OTOA: variants seen among roughly 807,000 people sequenced by gnomAD.
OTOA encodes the protein otoancorin.
OTOA carries 70 observed loss-of-function variants against 110.8 expected under a neutral mutation model. That is an observed-to-expected ratio of 0.63 (90% confidence interval 0.52 to 0.77). The LOEUF (loss-of-function observed/expected upper bound fraction) is 0.77. Ranked by LOEUF, OTOA falls within the 30% of genes least tolerant of loss-of-function variation. OTOA has a pLI of 0.00. For synonymous variants in OTOA, 373 were observed against 431.5 expected (o/e 0.86, Z 1.68); for missense variants, 917 against 1,075.8 (o/e 0.85, Z 2.06).
chr16:21,680,914 G>C (rs958555605), intron 5 of OTOA, among the ~76,000 whole-genome samples: 7 of 151,696 alleles, frequency 4.6e-5, no homozygotes, highest in Middle Eastern at 3.5e-3. Context: ...GTTGGGCACA[G>C]TCTTACGCAA....
intron 8 of OTOA, among the ~76,000 whole-genome samples, chr16:21,688,858 C>G (rs1897773954): frequency 6.6e-6 from 1 of 152,090 alleles, no homozygotes; most frequent in Admixed American, 6.6e-5. Flanking sequence ...ACATTCAGTC[C>G]ACAGCACAAA....
In OTOA at chr16:21,719,644, G is replaced by A. The variant is rs975000917; in HGVS notation, c.1806+140G>A. 9 of 847,202 alleles carry A rather than the reference G, an allele frequency of 1.1e-5. No homozygotes were observed. The African/African-American group carries it at 1.2e-4, about 11-fold the overall frequency. The allele number at this position is 847,202 out of a possible 1,614,324, so 52.5% of individuals were successfully genotyped here. ...TGACTTAGGGCCAAAGATTGAGCCA[G>A]GTTTTTTCCAGTTTCTTTTTAAACA... On this transcript the variant is annotated intron_variant, in intron 17 of 28. Coordinates refer to ENST00000646100, the MANE Select transcript of OTOA (RefSeq NM_144672.4).
In OTOA at chr16:21,704,029, C is replaced by A. The variant is rs578221820; in HGVS notation, c.981-1140C>A. Among the ~76,000 whole-genome samples the A allele has an allele frequency of 6.6e-5, 10 of 152,216 alleles. No individual in the cohort carries two copies. In the East Asian group the frequency reaches 1.2e-3, roughly 18 times the overall value. On this transcript the variant is annotated intron_variant, in intron 11 of 28. Transcript: ENST00000646100. ...TGCACTGCAGAACTGTGTATAGCGG[C>A]CTCACAGAGAAGTTAAGTAACTTGG...
chr16:21,701,928 C>T (rs954329256), intron 11 of OTOA, among the ~76,000 whole-genome samples: 6 of 150,144 alleles, frequency 4.0e-5, no homozygotes, highest in African/African-American at 7.4e-5. Context: ...TGAGCCACCA[C>T]GCCTGGCCCA....
chr16:21,687,608 C>T lies in OTOA; in HGVS notation c.595C>T (p.Arg199Trp), dbSNP rs148114778. The T allele has an allele frequency of 2.7e-5, 43 of 1,612,816 alleles. 1 individual carries two copies. The highest frequency in any genetic ancestry group is 1.2e-4 in the Admixed American group (7 of 59,904). The change falls in exon 8 of 29, where the codon CGG (arginine) becomes TGG (tryptophan). Residue 199 changes from arginine (R) to tryptophan (W), a missense_variant. Physicochemically the swap from Arg to Trp is moderately radical, Grantham distance 101. Coordinates refer to ENST00000646100, the MANE Select transcript of OTOA (RefSeq NM_144672.4). ...GSFLQPDITE[R>W]LPRDLREDAF... ...CTTTCTCCAGCCAGACATCACAGAG[C>T]GGCTCCCTCGGGACCTGCGCGAGGA...
chr16:21,700,228 A>G (rs946642677), intron 10 of OTOA, among the ~76,000 whole-genome samples: 1 of 152,198 alleles, frequency 6.6e-6, no homozygotes, highest in Non-Finnish European at 1.5e-5. Flanking sequence ...AAACTCATTC[A>G]TCTATTAAAA....
rs530930445 is a variant in OTOA, at chr16:21,726,353, A to T, written c.1881-170A>T. 7.9e-4 allele frequency among the ~76,000 whole-genome samples: 121 copies of T among 152,272 alleles called. 1 individual carries two copies. Among genetic ancestry groups the T allele is most frequent in the Non-Finnish European group, 1.5e-3 (99 of 68,010 alleles). ...TTGTTCCCACCCATAGAAGAGGAGCATGATGGGTGGGAAGCTTGCTACCTG... is the reference window on the plus strand; with the variant it reads ...TTGTTCCCACCCATAGAAGAGGAGCTTGATGGGTGGGAAGCTTGCTACCTG... On this transcript the variant is annotated intron_variant, in intron 18 of 28. Transcript: ENST00000646100.
intron 1 of OTOA, among the ~76,000 whole-genome samples, chr16:21,673,540 A>G (rs1966852096): frequency 6.6e-6 from 1 of 152,144 alleles, no homozygotes; most frequent in African/African-American, 2.4e-5. Flanking sequence ...ATGCTTTATA[A>G]TTGGAATCAT....
chr16:21,679,013 GAT>G (rs1273398532), intron 3 of OTOA, 21 bp from the exon 4 acceptor site: 1 of 1,613,912 alleles, frequency 6.2e-7, no homozygotes, highest in South Asian at 1.1e-5. Context: ...TGTTATACTT[GAT>G]GTTATCTCTT....
chr16:21,696,892 T>G (rs1028065660), intron 9 of OTOA, among the ~76,000 whole-genome samples: 2 of 151,772 alleles, frequency 1.3e-5, no homozygotes, highest in African/African-American at 4.8e-5. Flanking sequence ...ATTTATTTAT[T>G]TTTAATTATT....
chr16:21,686,015 G>A (rs1324292528), intron 7 of OTOA, among the ~76,000 whole-genome samples: 1 of 151,978 alleles, frequency 6.6e-6, no homozygotes, highest in African/African-American at 2.4e-5. Context: ...CTGGAGGGGA[G>A]ACAAAAAACA....
At chr16:21,724,318 A>T (rs542527635) in intron 18 of OTOA, among the ~76,000 whole-genome samples, 5 of 152,230 alleles carry the variant, frequency 3.3e-5, no homozygotes, top group East Asian at 3.9e-4. Flanking sequence ...GACCGAACTA[A>T]TGCTGGATAG....
At chr16:21,691,197 T>C (rs571163587) in intron 8 of OTOA, among the ~76,000 whole-genome samples, 1 of 152,296 alleles carries the variant, frequency 6.6e-6, no homozygotes, top group South Asian at 2.1e-4. Flanking sequence ...TGTCACATTT[T>C]CTTAATCCAG....
intron 14 of OTOA, among the ~76,000 whole-genome samples, chr16:21,716,145 C>T (rs541092266): frequency 6.6e-6 from 1 of 150,578 alleles, no homozygotes; most frequent in Non-Finnish European, 1.5e-5. Context: ...AAGTGATCTA[C>T]CTGCCCCGGC....
At chr16:21,720,002 CTGG>C (rs2141705477) in intron 17 of OTOA, among the ~76,000 whole-genome samples, 1 of 150,684 alleles carries the variant, frequency 6.6e-6, no homozygotes, top group South Asian at 2.1e-4. Flanking sequence ...GTCACCCAGG[CTGG>C]AGTACAGTGG....
chr16:21,705,246 T>C lies in OTOA; in HGVS notation c.1058T>C (p.Met353Thr), dbSNP rs746061127. The C allele has an allele frequency of 8.9e-5, 144 of 1,614,014 alleles. 2 individuals carry two copies. Among genetic ancestry groups the C allele is most frequent in the Non-Finnish European group, 1.2e-4 (139 of 1,180,016 alleles). Residue 353 changes from methionine to threonine, a missense_variant, in exon 12 of 29, where the codon ATG (methionine) becomes ACG (threonine). Met to Thr is a moderately conservative substitution (Grantham distance 81). Around this residue, in one of 6 missense-constraint regions of OTOA, gnomAD observed 840 missense variants for 910.2 expected, o/e 0.92. Transcript: ENST00000646100. ...ATVAQVLLYQMIKCSHLRGFQ... is the reference protein window; with the variant it reads ...ATVAQVLLYQTIKCSHLRGFQ... ...GTGGCTCAAGTCCTGCTTTACCAGA[T>C]GATCAAGTGCAGCCACCTGAGGGGC...
At chr16:21,707,885 C>T (rs1898239784) in intron 12 of OTOA, among the ~76,000 whole-genome samples, 2 of 150,562 alleles carry the variant, frequency 1.3e-5, no homozygotes, top group Non-Finnish European at 1.5e-5. Flanking sequence ...ACCTCTGCCT[C>T]CCAGGTTCAA....
chr16:21,677,473 T>C (rs925093230), intron 1 of OTOA, among the ~76,000 whole-genome samples: 1 of 150,040 alleles, frequency 6.7e-6, no homozygotes, highest in African/African-American at 2.5e-5. Context: ...AAGTTTAGCT[T>C]CATATCTTTT....
At chr16:21,667,470 C>T (rs1206020766) in intron 1 of OTOA, among the ~76,000 whole-genome samples, 2 of 151,918 alleles carry the variant, frequency 1.3e-5, no homozygotes, top group South Asian at 2.1e-4. Flanking sequence ...CTGGCTAACA[C>T]GGCGAAACCC....
Sources: allele counts gnomAD v4.1 joint callset (sites outside exome capture counted in the v4.1 genomes callset), GRCh38; gene constraint gnomAD v4.1.1; regional missense constraint gnomAD v4.1.1; transcripts MANE v1.5; gene names NCBI Gene and HGNC (gene_info 2026-07-23, HGNC 2026-07-21).